The following ZNF536 variants were observed in gnomAD, a reference collection of about 807,000 sequenced individuals.
ZNF536 encodes the protein zinc finger protein 536.
Under a neutral mutation model 84.5 loss-of-function variants are expected in ZNF536, and 13 were observed. That is an observed-to-expected ratio of 0.15 (90% CI 0.10 to 0.24). The LOEUF is 0.24. Ranked by LOEUF, ZNF536 falls within the 10% of genes least tolerant of loss-of-function variation. The pLI, the probability that ZNF536 is intolerant of heterozygous loss-of-function variation, is 1.00. For synonymous variants in ZNF536, 811 were observed against 742.5 expected, an observed-to-expected ratio of 1.09 and a Z score of -1.50; for missense variants, 1,536 against 1,747.5, an observed-to-expected ratio of 0.88 and a Z score of 2.16.
chr19:30,674,170 G>A (rs908722162), intron 1 of ZNF536, among the ~76,000 whole-genome samples: 5 of 152,212 alleles, frequency 3.3e-5, no homozygotes, highest in South Asian at 4.1e-4. Context: ...GCAGGTTGGC[G>A]GGGTGACAGC....
chr19:30,394,160 A>AC (rs1223091550), intron 1 of ZNF536, among the ~76,000 whole-genome samples: 11 of 151,992 alleles, frequency 7.2e-5, no homozygotes, highest in African/African-American at 2.4e-4. Flanking sequence ...AACACACGGG[A>AC]CCCCCTTGGA....
rs527453543 is a variant in ZNF536, at chr19:30,443,808, G to C, written c.246G>C (p.Ala82=). The stretch of plus-strand genomic sequence containing the variant: ...GCCAGCCCATGGGCAGTCAGATGGC[G>C]CTCCTGGCCAACCAGCTGGGCCGGG... ...MSGQPMGSQM[A]LLANQLGREV... is the part of the protein sequence containing the mutation. Residue 82 remains alanine (A), a synonymous_variant, in exon 2 of 5, where the codon GCG becomes GCC. Coordinates refer to ENST00000355537, the MANE Select transcript of ZNF536 (RefSeq NM_014717.3). 6.2e-7 allele frequency: 1 copy of C among 1,613,130 alleles called. No individual in the cohort carries two copies. The highest frequency in any genetic ancestry group is 8.5e-7 in the Non-Finnish European group (1 of 1,179,792).
intron 3 of ZNF536, among the ~76,000 whole-genome samples, chr19:30,542,706 C>G (rs531170530): frequency 2.5e-4 from 38 of 152,282 alleles, no homozygotes; most frequent in Middle Eastern, 3.4e-3. Context: ...GCTCCAGACC[C>G]CATCTGTAAA....
At chr19:30,495,708 A>G (rs761070373) in intron 2 of ZNF536, among the ~76,000 whole-genome samples, 3 of 152,212 alleles carry the variant, frequency 2.0e-5, no homozygotes, top group Admixed American at 6.5e-5. Context: ...TTATGGGGGT[A>G]TCTGAAGAAA....
chr19:30,610,025 T>C lies in ZNF536; in HGVS notation c.169+60511T>C, dbSNP rs368785587. ...ATCCATTCATCCATCCATCCATCCATGCATTCAGCCATCCATCCACTCATC... is the reference window on the plus strand; with the variant it reads ...ATCCATTCATCCATCCATCCATCCACGCATTCAGCCATCCATCCACTCATC... On this transcript the variant is annotated intron_variant, in intron 1 of 1. Transcript: ENST00000592773. 7.7e-4 allele frequency among the ~76,000 whole-genome samples: 117 copies of C among 152,226 alleles called. 4 individuals are homozygous for C. The South Asian group carries it at 0.023, about 30-fold the overall frequency.
At chr19:30,331,302 A>AAAG (rs1336332934) in intron 2 of ZNF536, among the ~76,000 whole-genome samples, 1 of 149,744 alleles carries the variant, frequency 6.7e-6, no homozygotes, top group East Asian at 2.0e-4. Flanking sequence ...TAAAAAAAAA[A>AAAG]AAAAAAAAAA....
At chr19:30,577,787 C>G (rs1216976968) in intron 1 of ZNF536, among the ~76,000 whole-genome samples, 1 of 152,162 alleles carries the variant, frequency 6.6e-6, no homozygotes, top group African/African-American at 2.4e-5. Context: ...GTACAATAAG[C>G]ACCATTGTCC....
chr19:30,304,819 C>T (rs1054768169), intron 2 of ZNF536, among the ~76,000 whole-genome samples: 1 of 152,202 alleles, frequency 6.6e-6, no homozygotes, highest in African/African-American at 2.4e-5. Context: ...CTGCAGGCAC[C>T]ATCTGGGGGA....
chr19:30,301,582 A>G (rs2046185966), intron 2 of ZNF536, among the ~76,000 whole-genome samples: 1 of 152,202 alleles, frequency 6.6e-6, no homozygotes. Flanking sequence ...ACAGAGTGCA[A>G]TCTGCATTGT....
intron 1 of ZNF536, among the ~76,000 whole-genome samples, chr19:30,586,016 T>C (rs994004461): frequency 2.6e-5 from 4 of 152,208 alleles, no homozygotes; most frequent in African/African-American, 9.6e-5. Context: ...ATCCTCTATA[T>C]ACTTCCTCTA....
chr19:30,490,882 G>A (rs1038683565), intron 2 of ZNF536, among the ~76,000 whole-genome samples: 3 of 152,190 alleles, frequency 2.0e-5, no homozygotes, highest in African/African-American at 4.8e-5. Flanking sequence ...TTTGCCAGGC[G>A]CCCCAGCCCG....
chr19:30,638,606 T>A (rs1026179206), intron 1 of ZNF536, among the ~76,000 whole-genome samples: 3 of 152,198 alleles, frequency 2.0e-5, no homozygotes, highest in African/African-American at 7.2e-5. Context: ...TCTTCCCCCA[T>A]GATCCAGTGA....
chr19:30,426,867 C>A (rs2051237055), intron 1 of ZNF536, among the ~76,000 whole-genome samples: 1 of 152,134 alleles, frequency 6.6e-6, no homozygotes, highest in Admixed American at 6.5e-5. Context: ...GAGGTGAGGG[C>A]ATTCAATAAT....
chr19:30,558,980 G>A (rs2046062994), downstream of ZNF536, among the ~76,000 whole-genome samples: 1 of 152,132 alleles, frequency 6.6e-6, no homozygotes, highest in African/African-American at 2.4e-5. Flanking sequence ...CTCCGCAACA[G>A]GACAATTGCA....
intron 1 of ZNF536, among the ~76,000 whole-genome samples, chr19:30,634,194 T>G (rs1472491213): frequency 1.3e-5 from 2 of 152,182 alleles, no homozygotes; most frequent in African/African-American, 4.8e-5. Flanking sequence ...TCCCATTGGC[T>G]TAAGGCGCGG....
chr19:30,542,308 G>T (rs938815687), intron 3 of ZNF536, among the ~76,000 whole-genome samples: 13 of 152,108 alleles, frequency 8.5e-5, no homozygotes, highest in Non-Finnish European at 1.8e-4. Flanking sequence ...AATTATAAAA[G>T]ATATGAGCAT....
chr19:30,310,637 C>T (rs1043718813), intron 2 of ZNF536, among the ~76,000 whole-genome samples: 2 of 152,162 alleles, frequency 1.3e-5, no homozygotes, highest in African/African-American at 4.8e-5. Context: ...AGAACTTGTT[C>T]CAGGCAAGCA....
intron 1 of ZNF536, among the ~76,000 whole-genome samples, chr19:30,661,167 T>G (rs1326659054): frequency 6.6e-6 from 1 of 152,206 alleles, no homozygotes; most frequent in African/African-American, 2.4e-5. Flanking sequence ...AAAAAATCAT[T>G]TCAATTCAAA....
chr19:30,240,365 T>C (rs1371288432), intron 1 of ZNF536, among the ~76,000 whole-genome samples: 27 of 141,824 alleles, frequency 1.9e-4, no homozygotes, highest in Non-Finnish European at 3.2e-4. Flanking sequence ...AGAGCAAGAC[T>C]CTATCTCAGA....
Sources: allele counts gnomAD v4.1 joint callset (sites outside exome capture counted in the v4.1 genomes callset), GRCh38; gene constraint gnomAD v4.1.1; transcripts MANE v1.5; gene names NCBI Gene and HGNC (gene_info 2026-07-23, HGNC 2026-07-21).